Variants in FGF14 observed in about 807,000 individuals in gnomAD.
FGF14 encodes fibroblast growth factor 14, also known as fibroblast growth factor homologous factor 4.
A neutral mutation model predicts 25.5 loss-of-function variants in FGF14; 5 were observed. That is an observed-to-expected ratio of 0.20 (90% confidence interval 0.10 to 0.41). FGF14 has a LOEUF of 0.41. Ranked by LOEUF, FGF14 falls within the 10% of genes least tolerant of loss-of-function variation. The pLI is 1.00. For synonymous variants in FGF14, 138 were observed against 118.3 expected (o/e 1.17, Z -1.08); for missense variants, 222 against 320.1 (o/e 0.69, Z 2.34).
intron 3 of FGF14, among the ~76,000 whole-genome samples, chr13:101,752,140 C>T (rs61965130): frequency 0.035 from 5,296 of 152,132 alleles, 103 homozygotes; most frequent in Admixed American, 0.042. Context: ...TAATTATCAC[C>T]TTTGATACAC....
chr13:102,009,761 TA>T (rs2039985295), intron 1 of FGF14, among the ~76,000 whole-genome samples: 1 of 152,156 alleles, frequency 6.6e-6, no homozygotes, highest in Non-Finnish European at 1.5e-5. Flanking sequence ...GTAGGTAAAC[TA>T]CAGACTGGTT....
intron 1 of FGF14, among the ~76,000 whole-genome samples, chr13:102,281,418 T>C (rs1035396832): frequency 1.3e-5 from 2 of 152,156 alleles, no homozygotes; most frequent in African/African-American, 4.8e-5. Flanking sequence ...TGTTCTAGCA[T>C]GTTTTGGTCC....
At chr13:102,319,026 GC>G (rs2056142445) in intron 1 of FGF14, among the ~76,000 whole-genome samples, 1 of 152,200 alleles carries the variant, frequency 6.6e-6, no homozygotes, top group Non-Finnish European at 1.5e-5. Context: ...AGAAGCCGTT[GC>G]TGCGAGCTTT....
intron 1 of FGF14, among the ~76,000 whole-genome samples, chr13:102,095,159 G>A (rs2044333692): frequency 6.6e-6 from 1 of 152,032 alleles, no homozygotes; most frequent in Non-Finnish European, 1.5e-5. Flanking sequence ...AACTTCACAG[G>A]AATTATGACA....
intron 3 of FGF14, among the ~76,000 whole-genome samples, chr13:101,817,272 CTTTT>C (rs567068121): frequency 6.6e-6 from 1 of 151,108 alleles, no homozygotes; most frequent in Non-Finnish European, 1.5e-5. Context: ...CCTCTTTTTC[CTTTT>C]TTTTTCTCTT....
intron 3 of FGF14, among the ~76,000 whole-genome samples, chr13:101,774,857 A>G (rs552998964): frequency 6.6e-6 from 1 of 151,932 alleles, no homozygotes; most frequent in Non-Finnish European, 1.5e-5. Context: ...GTTCAAAACC[A>G]GACTGGCCAA....
Position 102,069,746 on chromosome 13 carries a change from C to T in FGF14, c.209-194450G>A, listed in dbSNP as rs144839185. 9.1e-3 allele frequency among the ~76,000 whole-genome samples: 1,384 copies of T among 152,218 alleles called. 12 individuals carry two copies. Among genetic ancestry groups the T allele is most frequent in the Middle Eastern group, 0.024 (7 of 294 alleles). On this transcript the variant is annotated intron_variant, in intron 1 of 4. Transcript: ENST00000376131. ...CATCAGAAGGAACAAACTCCAGACG[C>T]GCCACCTTAAGAGCTGTAACACTCA...
intron 1 of FGF14, among the ~76,000 whole-genome samples, chr13:102,044,955 T>C (rs1184061987): frequency 6.6e-6 from 1 of 152,172 alleles, no homozygotes; most frequent in Non-Finnish European, 1.5e-5. Context: ...AATAGAGGTG[T>C]CTACTCATCC....
At chr13:102,230,847 G>T (rs1555383675) in intron 1 of FGF14, among the ~76,000 whole-genome samples, 1 of 152,256 alleles carries the variant, frequency 6.6e-6, no homozygotes, top group Non-Finnish European at 1.5e-5. Flanking sequence ...TTAAATGAAT[G>T]TATAATTATA....
intron 1 of FGF14, among the ~76,000 whole-genome samples, chr13:102,130,555 AAATT>A (rs1389501519): frequency 6.6e-6 from 1 of 152,200 alleles, no homozygotes; most frequent in East Asian, 1.9e-4. Flanking sequence ...TTCAATATGC[AAATT>A]AATACCCCCT....
At chr13:102,128,136 C>T (rs1277771143) in intron 1 of FGF14, among the ~76,000 whole-genome samples, 1 of 133,198 alleles carries the variant, frequency 7.5e-6, no homozygotes, top group Non-Finnish European at 1.8e-5. Context: ...AACAAGGGAA[C>T]CTTGGACACG....
intron 1 of FGF14, among the ~76,000 whole-genome samples, chr13:102,233,451 C>CT (rs35041551): frequency 0.66 from 99,945 of 151,412 alleles, 34,155 homozygotes; most frequent in African/African-American, 0.84. Flanking sequence ...ATTTAACTTG[C>CT]TTTTTTTTGT....
intron 3 of FGF14, among the ~76,000 whole-genome samples, chr13:101,788,484 T>A (rs1053319380): frequency 3.5e-4 from 54 of 152,208 alleles, no homozygotes; most frequent in African/African-American, 1.3e-3. Flanking sequence ...GCTAGTATAA[T>A]AAAAAGAGGC....
intron 1 of FGF14, among the ~76,000 whole-genome samples, chr13:102,071,935 AG>A (rs1300178481): frequency 2.0e-5 from 3 of 152,202 alleles, no homozygotes; most frequent in Admixed American, 6.5e-5. Flanking sequence ...CAAAACTATC[AG>A]GGCTAGAACA....
intron 3 of FGF14, among the ~76,000 whole-genome samples, chr13:101,854,956 A>G (rs185386552): frequency 9.3e-4 from 142 of 152,174 alleles, no homozygotes; most frequent in African/African-American, 3.3e-3. Context: ...CTATGAGTAC[A>G]TATCAGAATA....
At chr13:101,808,023 C>A (rs1451528014) in intron 3 of FGF14, among the ~76,000 whole-genome samples, 1 of 151,958 alleles carries the variant, frequency 6.6e-6, no homozygotes, top group Non-Finnish European at 1.5e-5. Context: ...TGAAGAGATG[C>A]AAATAATAGC....
rs1245330269 is a variant in FGF14 at position 102,161,563 on chromosome 13, TGTGAAGAAAGA to T, written c.208+239897_208+239907del. 3.4e-3 allele frequency among the ~76,000 whole-genome samples: 12 copies of T among 3,542 alleles called. 2 individuals carry two copies. Among genetic ancestry groups the T allele is most frequent in the African/African-American group, 4.8e-3 (1 of 210 alleles). The allele number at this position is 3,542 out of a possible 152,430, so 2.3% of individuals were successfully genotyped here. A position where few individuals can be genotyped will look rare whatever the true frequency, so the allele number is the denominator to read the frequency against. On this transcript the variant is annotated intron_variant, in intron 1 of 4. Coordinates refer to the FGF14 transcript ENST00000376131. ...AATATTCTCTATGCAACCAACTTTC[TGTGAAGAAAGA>T]AAGAAGAAGAAGAAGAAGAAGAAGA...
intron 1 of FGF14, among the ~76,000 whole-genome samples, chr13:102,145,345 T>C (rs1401836996): frequency 6.6e-6 from 1 of 152,130 alleles, no homozygotes; most frequent in South Asian, 2.1e-4. Context: ...TTGGGTGACG[T>C]CTGGATCTGC....
chr13:101,712,734 C>G lies in FGF14; in HGVS notation c.*10097G>C, dbSNP rs1032450795. 6.6e-6 allele frequency: 1 copy of G among 152,168 alleles called. No individual in the cohort carries two copies. Among genetic ancestry groups the G allele is most frequent in the Non-Finnish European group, 1.5e-5 (1 of 68,034 alleles). The allele number at this position is 152,168 out of a possible 1,614,324, so 9.4% of individuals were successfully genotyped here. A position where few individuals can be genotyped will look rare whatever the true frequency, so the allele number is the denominator to read the frequency against. ...GTGGTCTTTGTTGGCAGATATATCA[C>G]TATCCATTTGTTAAACAAGCAGTAG... On this transcript the variant is annotated 3_prime_UTR_variant, in exon 5 of 5. Transcript: ENST00000376143.
Sources: allele counts gnomAD v4.1 joint callset (sites outside exome capture counted in the v4.1 genomes callset), GRCh38; gene constraint gnomAD v4.1.1; transcripts MANE v1.5; gene names NCBI Gene and HGNC (gene_info 2026-07-23, HGNC 2026-07-21).